Variants in ANKRD6 observed in about 807,000 individuals in gnomAD.
ANKRD6 encodes the protein ankyrin repeat domain-containing protein 6.
ANKRD6 carries 56 observed loss-of-function variants against 82.3 expected under a neutral mutation model. The observed-to-expected ratio is 0.68, with a 90% confidence interval of 0.55 to 0.85. The LOEUF (loss-of-function observed/expected upper bound fraction) is 0.85, where lower values mean the gene tolerates loss of function less well. ANKRD6 is among the 40% of genes least tolerant of loss of function. ANKRD6 has a pLI of 0.00. For synonymous variants in ANKRD6, 347 were observed against 352.1 expected (o/e 0.99, Z 0.16); for missense variants, 852 against 907.6 (o/e 0.94, Z 0.79).
At chr6:89,491,124 C>G (rs1777961874) in intron 1 of ANKRD6, among the ~76,000 whole-genome samples, 1 of 152,154 alleles carries the variant, frequency 6.6e-6, no homozygotes, top group African/African-American at 2.4e-5. Flanking sequence ...AGAGGGAACA[C>G]AGCTCCGCCG....
At chr6:89,493,052 G>A (rs1254129110) in intron 1 of ANKRD6, among the ~76,000 whole-genome samples, 1 of 152,160 alleles carries the variant, frequency 6.6e-6, no homozygotes, top group African/African-American at 2.4e-5. Context: ...CAAATGATAG[G>A]TGTGAATATA....
intron 1 of ANKRD6, among the ~76,000 whole-genome samples, chr6:89,448,811 A>G (rs1317164506): frequency 1.3e-5 from 2 of 152,108 alleles, no homozygotes; most frequent in Non-Finnish European, 2.9e-5. Context: ...TGGGCGGATC[A>G]CGAGGTCAGG....
intron 3 of ANKRD6, among the ~76,000 whole-genome samples, chr6:89,600,882 A>T (rs991816293): frequency 2.7e-5 from 4 of 150,392 alleles, no homozygotes; most frequent in East Asian, 1.9e-4. Context: ...CTAAAAATAT[A>T]AAAAAAAAAT....
intron 1 of ANKRD6, among the ~76,000 whole-genome samples, chr6:89,549,937 GA>G (rs1295287271): frequency 2.8e-4 from 42 of 150,792 alleles, no homozygotes; most frequent in Admixed American, 4.0e-4. Flanking sequence ...GAAAAAAAAA[GA>G]AAAAAAAATT....
At chr6:89,624,447 C>G (rs1804875758) in intron 12 of ANKRD6, 92 bp from the exon 13 acceptor site, 1 of 1,438,558 alleles carries the variant, frequency 7.0e-7, no homozygotes, top group African/African-American at 1.4e-5. Flanking sequence ...ATCTCTATCC[C>G]CTGGTATACT....
At chr6:89,471,963 AAGAGAGAG>A (rs1219754877) in intron 1 of ANKRD6, among the ~76,000 whole-genome samples, 55 of 143,638 alleles carry the variant, frequency 3.8e-4, no homozygotes, top group African/African-American at 1.4e-3. Flanking sequence ...AAAAAAAAAA[AAGAGAGAG>A]AGAGAAGGAG....
chr6:89,572,268 T>C (rs994062208), intron 2 of ANKRD6, among the ~76,000 whole-genome samples: 3 of 152,232 alleles, frequency 2.0e-5, no homozygotes, highest in African/African-American at 7.2e-5. Context: ...ACATACACTT[T>C]CAGCTTTTTT....
In ANKRD6 at chr6:89,613,868, G is replaced by A. The variant is rs1800840404; in HGVS notation, c.593G>A (p.Cys198Tyr). Residue 198 changes from cysteine to tyrosine, a missense_variant, in exon 7 of 16, where the codon TGT (cysteine) becomes TAT (tyrosine). Cys to Tyr is a radical substitution (Grantham distance 194, BLOSUM62 -2). Transcript: ENST00000339746. ...ATTAGGCTCCTCCTCACTGCTTTCT[G>A]TTCTGTCCATGAAAAGAACCAGGTC... ...SIIRLLLTAFCSVHEKNQAGD... is the reference protein window; with the variant it reads ...SIIRLLLTAFYSVHEKNQAGD... 1 of 1,613,950 alleles carries A rather than the reference G, an allele frequency of 6.2e-7. No homozygotes were observed. Among genetic ancestry groups the A allele is most frequent in the Non-Finnish European group, 8.5e-7 (1 of 1,179,876 alleles).
chr6:89,482,684 A>G (rs1390690858), intron 1 of ANKRD6, among the ~76,000 whole-genome samples: 2 of 151,794 alleles, frequency 1.3e-5, no homozygotes, highest in African/African-American at 2.4e-5. Flanking sequence ...TACTGTCTCC[A>G]TCTAATCATC....
At chr6:89,435,360 C>T (rs1277938925) in intron 1 of ANKRD6, among the ~76,000 whole-genome samples, 3 of 152,208 alleles carry the variant, frequency 2.0e-5, no homozygotes, top group African/African-American at 7.2e-5. Context: ...CACTTCTCGC[C>T]TCCCACCCAA....
intron 1 of ANKRD6, among the ~76,000 whole-genome samples, chr6:89,484,406 A>T (rs2127817078): frequency 6.6e-6 from 1 of 152,282 alleles, no homozygotes; most frequent in East Asian, 1.9e-4. Flanking sequence ...TTGAGATTTC[A>T]TATTCAGAAT....
At chr6:89,471,627 G>A (rs1775486509) in intron 1 of ANKRD6, among the ~76,000 whole-genome samples, 1 of 152,004 alleles carries the variant, frequency 6.6e-6, no homozygotes. Context: ...TAGTGTGTAT[G>A]TGTGGGTGTG....
At chr6:89,462,735 C>T (rs1774335919) in intron 1 of ANKRD6, among the ~76,000 whole-genome samples, 1 of 152,038 alleles carries the variant, frequency 6.6e-6, no homozygotes. Flanking sequence ...GGGCAATTCC[C>T]ATAACAGACT....
intron 1 of ANKRD6, among the ~76,000 whole-genome samples, chr6:89,545,509 G>A (rs933569864): frequency 1.8e-4 from 27 of 152,236 alleles, no homozygotes; most frequent in Middle Eastern, 3.4e-3. Context: ...ATGAAGTAGC[G>A]CACAGGAGGT....
chr6:89,588,409 A>G, intron 2 of ANKRD6, among the ~76,000 whole-genome samples: 1 of 152,210 alleles, frequency 6.6e-6, no homozygotes, highest in South Asian at 2.1e-4. Context: ...TTGACTCAAA[A>G]AAGACTGCAT....
chr6:89,546,402 C>T (rs1316407031), intron 1 of ANKRD6, among the ~76,000 whole-genome samples: 1 of 152,006 alleles, frequency 6.6e-6, no homozygotes, highest in African/African-American at 2.4e-5. Context: ...AATGATGTTC[C>T]AAAAGTTGTG....
chr6:89,478,299 G>T (rs1282581611), intron 1 of ANKRD6: 4 of 152,354 alleles, frequency 2.6e-5, no homozygotes, highest in African/African-American at 7.2e-5. Flanking sequence ...GGACCACCAG[G>T]TTGCCTAAGG....
chr6:89,571,654 A>C (rs1789935276), intron 2 of ANKRD6, among the ~76,000 whole-genome samples: 1 of 152,124 alleles, frequency 6.6e-6, no homozygotes, highest in Admixed American at 6.5e-5. Context: ...AATTGAGAGG[A>C]AGGTCCAGAG....
rs187824164 is a variant in ANKRD6 at position 89,475,954 on chromosome 6, G to A, written c.-144+42579G>A. On this transcript the variant is annotated intron_variant, in intron 1 of 15. Transcript: ENST00000339746. ...AGTACAGTAGTGGATTCTTGGTATG[G>A]CTATAAGCTGTTTTAGACAGTGTGA... Among the ~76,000 whole-genome samples, 10 of 152,228 alleles carry A rather than the reference G, an allele frequency of 6.6e-5. No homozygotes were observed. The East Asian group carries it at 1.7e-3, about 26-fold the overall frequency.
Sources: gnomAD v4.1 joint callset for allele counts (sites outside exome capture counted in the v4.1 genomes callset) on GRCh38, gnomAD v4.1.1 for gene constraint, MANE v1.5 for transcripts, NCBI Gene and HGNC (gene_info 2026-07-23, HGNC 2026-07-21) for gene names.